WAS: variants seen among roughly 807,000 people sequenced by gnomAD.
The protein encoded by WAS is actin nucleation-promoting factor WAS.
A neutral mutation model predicts 38.9 loss-of-function variants in WAS; 1 was observed. That is an observed-to-expected ratio of 0.03 (90% CI 0.01 to 0.12). The LOEUF is 0.12. Among genes scored for constraint, WAS ranks in the 10% least tolerant of loss-of-function variants. WAS has a pLI of 1.00. For missense variants in WAS, 311 were observed against 431.2 expected, an observed-to-expected ratio of 0.72 and a Z score of 2.47; for synonymous variants, 182 against 173.6, an observed-to-expected ratio of 1.05 and a Z score of -0.38.
chrX:48,682,660 C>T (rs1211591844), upstream of WAS, among the ~76,000 whole-genome samples: 1 of 111,098 alleles, frequency 9.0e-6, no homozygotes, highest in Non-Finnish European at 1.9e-5. Context: ...TTTGGGAGGC[C>T]GAGGCAGGTG....
chrX:48,679,454 G>A (rs1401307280), upstream of WAS, among the ~76,000 whole-genome samples: 1 of 112,115 alleles, frequency 8.9e-6, no homozygotes, highest in Non-Finnish European at 1.9e-5. Flanking sequence ...CCTTGGTAAC[G>A]AAATATCCAC....
Position 48,689,060 on chromosome X carries a change from G to T in WAS, c.1332G>T (p.Leu444=). 2 of 1,201,932 alleles carry T rather than the reference G, an allele frequency of 1.7e-6. No homozygotes were observed. The highest frequency in any genetic ancestry group is 2.2e-6 in the Non-Finnish European group (2 of 893,895). ...LLDQIRQGIQ[L]NKTPGAPESS... is the part of the protein sequence containing the mutation. ...ATCAAATCCGGCAGGGAATTCAGCT[G>T]AACAAGGTGAGGACAGGCAGGATGG... is the stretch of plus-strand genomic sequence containing the variant. The change falls in exon 10 of 12, where the codon CTG becomes CTT. Residue 444 remains leucine, a synonymous_variant. Coordinates refer to ENST00000376701, the MANE Select transcript of WAS (RefSeq NM_000377.3).
At chrX:48,686,165 A>G in intron 6 of WAS, 31 bp downstream of exon 6, 1 of 1,204,741 alleles carries the variant, frequency 8.3e-7, no homozygotes, top group Non-Finnish European at 1.1e-6. Context: ...GTGTCTCTGG[A>G]TGGATGGGTA....
upstream of WAS, among the ~76,000 whole-genome samples, chrX:48,682,872 C>T (rs1400730109): frequency 8.8e-5 from 9 of 102,412 alleles, no homozygotes; most frequent in Non-Finnish European, 1.6e-4. Context: ...TCCAGCCTGG[C>T]GACAGAGTGA....
rs782430218 is a variant in WAS, at chrX:48,691,180, T to G, written c.*18T>G. 30 of 1,207,678 alleles carry G rather than the reference T, an allele frequency of 2.5e-5. No homozygotes were observed. Among genetic ancestry groups the G allele is most frequent in the Non-Finnish European group, 3.2e-5 (29 of 892,340 alleles). On this transcript the variant is annotated 3_prime_UTR_variant, in exon 12 of 12. Transcript: ENST00000376701. ...ATGACTGAGTGGCTGAGTTACTTGC[T>G]GCCCTGTGCTCCTCCCCGCAGGACA...
chrX:48,683,599 A>T (rs1162736421), upstream of WAS, among the ~76,000 whole-genome samples: 1 of 111,017 alleles, frequency 9.0e-6, no homozygotes, highest in Admixed American at 9.6e-5. Context: ...GAGAGTAAGA[A>T]AGGGGGAGGA....
At position 48,684,063 on chromosome X, in the gene WAS, C is replaced by T. The variant is rs1557006277; in HGVS notation, c.132+78C>T. On this transcript the variant is annotated intron_variant, in intron 1 of 11. Coordinates refer to ENST00000376701, the MANE Select transcript of WAS (RefSeq NM_000377.3). The stretch of plus-strand genomic sequence containing the variant: ...CTCTCCTCCTTCTCTCTCTTCCCCT[C>T]CTCCCGCTCCTCCTTTCCCTCTCCA... 9.7e-6 allele frequency: 11 copies of T among 1,135,910 alleles called. No individual in the cohort carries two copies. In the South Asian group the frequency reaches 1.7e-4, roughly 17 times the overall value. 93.6% of individuals were successfully genotyped at this position (1,135,910 alleles called of 1,213,427 possible). A position where few individuals can be genotyped will look rare whatever the true frequency, so the allele number is the denominator to read the frequency against.
Position 48,685,815 on chromosome X carries a change from A to G in WAS, c.442A>G (p.Arg148Gly). 2 of 1,193,946 alleles carry G rather than the reference A, an allele frequency of 1.7e-6. No individual in the cohort carries two copies. Among genetic ancestry groups the G allele is most frequent in the Non-Finnish European group, 2.3e-6 (2 of 886,217 alleles). ...RALVQEKIQK[R>G]NQRQSGDRRQ... The stretch of plus-strand genomic sequence containing the variant: ...CCTCGTGCAGGAGAAGATACAAAAA[A>G]GGAATCAGAGGCAAAGTGGAGGTGA... The change falls in exon 4 of 12, where the codon AGG (arginine) becomes GGG (glycine). Residue 148 changes from arginine to glycine, a missense_variant. Physicochemically the swap from Arg to Gly is moderately radical, Grantham distance 125. Coordinates refer to ENST00000376701, the MANE Select transcript of WAS (RefSeq NM_000377.3).
At chrX:48,679,032 C>T (rs782100484), upstream of WAS, among the ~76,000 whole-genome samples, 1 of 101,580 alleles carries the variant, frequency 9.8e-6, no homozygotes, top group Non-Finnish European at 2.0e-5. Flanking sequence ...GTTTTTCTTT[C>T]TTTTTTTTTT....
chrX:48,688,191 C>T, intron 8 of WAS, 95 bp downstream of exon 8: 1 of 1,153,012 alleles, frequency 8.7e-7, no homozygotes, highest in African/African-American at 1.8e-5. Context: ...GTGCCCTTCC[C>T]ACACCCCTCT....
At chrX:48,689,512 C>T in intron 11 of WAS, 78 bp downstream of exon 11, 1 of 832,132 alleles carries the variant, frequency 1.2e-6, no homozygotes, top group Non-Finnish European at 1.8e-6. Context: ...GCAGTCACCA[C>T]CAATAGTGAC....
At position 48,688,305 on chromosome X, in the gene WAS, C is replaced by T; in HGVS notation, c.783C>T (p.Asn261=). 1 of 1,204,699 alleles carries T rather than the reference C, an allele frequency of 8.3e-7. No individual in the cohort carries two copies. Among genetic ancestry groups the T allele is most frequent in the Non-Finnish European group, 1.1e-6 (1 of 891,618 alleles). The part of the protein sequence containing the change: ...GWDPQNGFDV[N]NLDPDLRSLF... ...GCCTTTTTCCTCCTGGGCAGGTGAA[C>T]AACCTCGACCCAGATCTGCGGAGTC... is the stretch of plus-strand genomic sequence containing the variant. The change falls in exon 9 of 12, where the codon AAC becomes AAT. Residue 261 remains asparagine (N), a synonymous_variant. Transcript: ENST00000376701.
rs1260793617 is a variant in WAS, at chrX:48,688,882, C to T, written c.1154C>T (p.Pro385Leu). 1.4e-5 allele frequency: 16 copies of T among 1,163,303 alleles called. No homozygotes were observed. The highest frequency in any genetic ancestry group is 1.8e-5 in the Non-Finnish European group (16 of 871,590). The change falls in exon 10 of 12, where the codon CCC becomes CTC. Residue 385 changes from proline to leucine, a missense_variant. Coordinates refer to ENST00000376701, the MANE Select transcript of WAS (RefSeq NM_000377.3). ...TGRSGPLPPP[P>L]PGAGGPPMPP... ...CGTTCTGGACCACTGCCCCCTCCACCCCCTGGAGCTGGTGGGCCACCCATG... is the reference window on the plus strand; with the variant it reads ...CGTTCTGGACCACTGCCCCCTCCACTCCCTGGAGCTGGTGGGCCACCCATG...
intron 6 of WAS, 37 bp from the exon 7 acceptor site, chrX:48,686,744 G>A (rs781799705): frequency 8.3e-7 from 1 of 1,207,266 alleles, no homozygotes; most frequent in Non-Finnish European, 1.1e-6. Flanking sequence ...TGGTTGGTAA[G>A]TGGGTCAATG....
chrX:48,688,408 G>A lies in WAS; in HGVS notation c.886G>A (p.Asp296Asn), dbSNP rs1186676831. ...TAAACTTATCTACGACTTCATTGAG[G>A]ACCAGGGTGGGCTGGAGGCTGTGCG... Reference protein sequence around the residue: ...TSKLIYDFIEDQGGLEAVRQE... With the variant: ...TSKLIYDFIENQGGLEAVRQE... Residue 296 changes from aspartate (D) to asparagine (N), a missense_variant, in exon 9 of 12, where the codon GAC (aspartate) becomes AAC (asparagine). Physicochemically the swap from Asp to Asn is conservative, Grantham distance 23. Around this residue, in one of 4 missense-constraint regions of WAS, gnomAD observed 74 missense variants for 131.2 expected, o/e 0.56. Transcript: ENST00000376701. 7.4e-6 allele frequency: 9 copies of A among 1,208,987 alleles called. No individual in the cohort carries two copies. In the African/African-American group the frequency reaches 1.6e-4, roughly 21 times the overall value.
At position 48,686,927 on chromosome X, in the gene WAS, G is replaced by A. The variant is rs782415042; in HGVS notation, c.706G>A (p.Ala236Thr). ...CTCAGGGAAGAAGAAGATCAGCAAA[G>A]CTGATATTGGTGCACCCAGTGGATT... is the stretch of plus-strand genomic sequence containing the variant. ...KRSGKKKISK[A>T]DIGAPSGFKH... is the part of the protein sequence containing the mutation. Residue 236 changes from alanine to threonine, a missense_variant, in exon 7 of 12, where the codon GCT becomes ACT. Coordinates refer to ENST00000376701, the MANE Select transcript of WAS (RefSeq NM_000377.3). 3 of 1,208,938 alleles carry A rather than the reference G, an allele frequency of 2.5e-6. No individual in the cohort carries two copies. The highest frequency in any genetic ancestry group is 2.2e-5 in the Admixed American group (1 of 45,698).
At position 48,684,233 on chromosome X, in the gene WAS, T is replaced by C. The variant is rs782320595; in HGVS notation, c.133-50T>C. 9.9e-6 allele frequency: 12 copies of C among 1,208,248 alleles called. No individual in the cohort carries two copies. In the East Asian group the frequency reaches 1.5e-4, roughly 15 times the overall value. On this transcript the variant is annotated intron_variant, in intron 1 of 11. Transcript: ENST00000376701. Reference sequence around the variant, plus strand: ...AAGGACCAGGTCTGGCTCCAAGACCTTGTGGCTACCCCTGACCAGACTCCA... The same window carrying C: ...AAGGACCAGGTCTGGCTCCAAGACCCTGTGGCTACCCCTGACCAGACTCCA...
Position 48,688,302 on chromosome X carries a change from G to A in WAS, c.780G>A (p.Val260=), listed in dbSNP as rs2147265866. The change falls in exon 9 of 12, where the codon GTG becomes GTA. Residue 260 remains valine, a splice_region_variant and synonymous_variant. Coordinates refer to ENST00000376701, the MANE Select transcript of WAS (RefSeq NM_000377.3). ...CTGGCCTTTTTCCTCCTGGGCAGGTGAACAACCTCGACCCAGATCTGCGGA... is the reference window on the plus strand; with the variant it reads ...CTGGCCTTTTTCCTCCTGGGCAGGTAAACAACCTCGACCCAGATCTGCGGA... The part of the protein sequence containing the change: ...VGWDPQNGFD[V]NNLDPDLRSL... The A allele has an allele frequency of 1.7e-6, 2 of 1,203,656 alleles. No homozygotes were observed. The highest frequency in any genetic ancestry group is 2.2e-6 in the Non-Finnish European group (2 of 891,180).
intron 7 of WAS, among the ~76,000 whole-genome samples, chrX:48,687,570 G>T (rs1557006885): frequency 9.0e-6 from 1 of 110,855 alleles, no homozygotes; most frequent in Non-Finnish European, 1.9e-5. Context: ...TGGACAGGTG[G>T]ACAGATACGT....
Sources: gnomAD v4.1 joint callset for allele counts (sites outside exome capture counted in the v4.1 genomes callset) on GRCh38, gnomAD v4.1.1 for gene constraint, gnomAD v4.1.1 regional missense constraint, MANE v1.5 for transcripts, NCBI Gene and HGNC (gene_info 2026-07-23, HGNC 2026-07-21) for gene names.